The following TOGARAM2 variants were observed in gnomAD, a reference collection of about 807,000 sequenced individuals.
The protein encoded by TOGARAM2 is TOG array regulator of axonemal microtubules 2.
TOGARAM2 carries 85 observed loss-of-function variants against 93.3 expected under a neutral mutation model. The ratio of observed to expected loss-of-function variants is 0.91; its 90% confidence interval spans 0.76 to 1.09. The LOEUF is 1.09. TOGARAM2 is among the 50% of genes least tolerant of loss of function. The pLI, the probability that TOGARAM2 is intolerant of heterozygous loss-of-function variation, is 0.00. For missense variants in TOGARAM2, 1,277 were observed against 1,334.5 expected, an observed-to-expected ratio of 0.96 and a Z score of 0.67; for synonymous variants, 593 against 552.8, an observed-to-expected ratio of 1.07 and a Z score of -1.02.
upstream of TOGARAM2, among the ~76,000 whole-genome samples, chr2:28,976,367 T>C (rs1672036184): frequency 6.6e-6 from 1 of 152,082 alleles, no homozygotes; most frequent in Admixed American, 6.5e-5. Context: ...TGAGACTCCA[T>C]CTCAAAAACA....
intron 18 of TOGARAM2, among the ~76,000 whole-genome samples, chr2:29,039,107 G>GA (rs1666284262): frequency 6.6e-6 from 1 of 152,200 alleles, no homozygotes; most frequent in South Asian, 2.1e-4. Flanking sequence ...GGACGGAAGA[G>GA]AAGGGGTATG....
chr2:28,987,540 C>T (rs1220455416), intron 1 of TOGARAM2, among the ~76,000 whole-genome samples: 9 of 152,324 alleles, frequency 5.9e-5, no homozygotes, highest in African/African-American at 1.7e-4. Flanking sequence ...CCGCCCACCT[C>T]GGCCTCTCAA....
chr2:29,005,992 T>TGTGGACTGTGTGTGC (rs139827832), intron 6 of TOGARAM2, among the ~76,000 whole-genome samples: 1 of 145,044 alleles, frequency 6.9e-6, no homozygotes, highest in African/African-American at 2.6e-5. Flanking sequence ...AGTGCATGTG[T>TGTGGACTGTGTGTGC]AGGGTGTGTA....
intron 1 of TOGARAM2, among the ~76,000 whole-genome samples, chr2:28,973,765 G>A (rs1391370012): frequency 6.6e-6 from 1 of 151,980 alleles, no homozygotes; most frequent in Non-Finnish European, 1.5e-5. Context: ...TGGCCTCAAG[G>A]TATCATCCTG....
intron 14 of TOGARAM2, among the ~76,000 whole-genome samples, chr2:29,027,307 G>T (rs970127987): frequency 4.6e-5 from 7 of 152,004 alleles, no homozygotes; most frequent in Admixed American, 1.3e-4. Context: ...GAACATTCAG[G>T]CCTTTTTTTC....
At chr2:28,991,823 C>G (rs1215673731) in intron 1 of TOGARAM2, among the ~76,000 whole-genome samples, 1 of 152,204 alleles carries the variant, frequency 6.6e-6, no homozygotes, top group Non-Finnish European at 1.5e-5. Context: ...TTCCTATGGC[C>G]CCGGTCACTA....
chr2:29,049,690 G>C (rs893064315), intron 19 of TOGARAM2: 4 of 152,194 alleles, frequency 2.6e-5, no homozygotes, highest in African/African-American at 7.2e-5. Flanking sequence ...TCCAACCAGT[G>C]TACCTCTTTG....
intron 2 of TOGARAM2, 115 bp downstream of exon 2, chr2:28,994,977 T>C: frequency 7.7e-7 from 1 of 1,294,792 alleles, no homozygotes; most frequent in Non-Finnish European, 1.1e-6. Context: ...TGCTGGGAGA[T>C]AACAGCCAGG....
At chr2:28,985,380 G>C (rs372992409) in intron 1 of TOGARAM2, among the ~76,000 whole-genome samples, 2 of 148,924 alleles carry the variant, frequency 1.3e-5, no homozygotes, top group Admixed American at 1.3e-4. Context: ...TTTTGTTTTT[G>C]TTTTAAGTCG....
In TOGARAM2 at chr2:29,051,801, G is replaced by T. The variant is rs201289296; in HGVS notation, c.2768G>T (p.Arg923Leu). 2.1e-5 allele frequency: 32 copies of T among 1,555,032 alleles called. No individual in the cohort carries two copies. In the African/African-American group the frequency reaches 3.7e-4, roughly 18 times the overall value. ...VYPRKPQAVE[R>L]HVLPILWHFL... ...CCCCGGAAGCCTCAAGCTGTAGAGC[G>T]GCATGTCCTTCCCATCCTCTGGCAC... Residue 923 changes from arginine to leucine, a missense_variant, in exon 20 of 20, where the codon CGG becomes CTG. Transcript: ENST00000379558.
rs1456821476 is a variant in TOGARAM2, at chr2:28,994,779, C to A, written c.-56C>A. ...AGACCCCCAAGGACTGTACTCACTGCCCAGAAATAGCTGCTGCCTCTGGGC... is the reference window on the plus strand; with the variant it reads ...AGACCCCCAAGGACTGTACTCACTGACCAGAAATAGCTGCTGCCTCTGGGC... On this transcript the variant is annotated 5_prime_UTR_variant, in exon 2 of 20. An upstream open reading frame in the 5' UTR gains an earlier in-frame stop. Coordinates refer to ENST00000379558, the MANE Select transcript of TOGARAM2 (RefSeq NM_199280.4). 2.8e-5 allele frequency: 43 copies of A among 1,546,448 alleles called. No individual in the cohort carries two copies. The highest frequency in any genetic ancestry group is 4.1e-5 in the African/African-American group (3 of 72,924).
intron 1 of TOGARAM2, among the ~76,000 whole-genome samples, chr2:28,965,172 A>C (rs1294318040): frequency 1.3e-5 from 2 of 151,662 alleles, no homozygotes; most frequent in Non-Finnish European, 2.9e-5. Flanking sequence ...ACTTTTTAAT[A>C]TTTGCTGTTC....
chr2:28,959,384 G>T (rs1671769677), intron 1 of TOGARAM2, among the ~76,000 whole-genome samples: 1 of 152,172 alleles, frequency 6.6e-6, no homozygotes, highest in South Asian at 2.1e-4. Flanking sequence ...CAATGATAGT[G>T]GGGAAGAGGG....
intron 2 of TOGARAM2, among the ~76,000 whole-genome samples, chr2:28,997,718 G>A (rs1673063602): frequency 6.6e-6 from 1 of 152,216 alleles, no homozygotes; most frequent in Non-Finnish European, 1.5e-5. Context: ...AAGCCGTAGG[G>A]TAGGGGATTA....
chr2:29,036,251 C>T (rs1666098529), intron 17 of TOGARAM2, among the ~76,000 whole-genome samples: 2 of 152,172 alleles, frequency 1.3e-5, no homozygotes, highest in Non-Finnish European at 2.9e-5. Flanking sequence ...TGAAAATGTG[C>T]TCCATGGGTT....
chr2:28,963,694 G>T (rs1214171076), intron 1 of TOGARAM2, among the ~76,000 whole-genome samples: 1 of 152,150 alleles, frequency 6.6e-6, no homozygotes, highest in Non-Finnish European at 1.5e-5. Flanking sequence ...GCTGGTGAAG[G>T]TTTCTTATGT....
chr2:29,023,532 G>C (rs1026680672), intron 12 of TOGARAM2, among the ~76,000 whole-genome samples: 1 of 152,184 alleles, frequency 6.6e-6, no homozygotes, highest in Admixed American at 6.5e-5. Context: ...TTCCCAAAGC[G>C]TTTCTTTCAT....
At position 29,003,476 on chromosome 2, in the gene TOGARAM2, C is replaced by G; in HGVS notation, c.640-16C>G. 6.7e-7 allele frequency: 1 copy of G among 1,484,544 alleles called. No homozygotes were observed. Among genetic ancestry groups the G allele is most frequent in the Non-Finnish European group, 9.0e-7 (1 of 1,112,576 alleles). The allele number at this position is 1,484,544 out of a possible 1,614,324, so 92.0% of individuals were successfully genotyped here. A position where few individuals can be genotyped will look rare whatever the true frequency, so the allele number is the denominator to read the frequency against. ...TGTTGCCATAGGCCAGACCCCTGTCCCGCCTCTGCTCCCAGGCGCAGATCT... is the reference window on the plus strand; with the variant it reads ...TGTTGCCATAGGCCAGACCCCTGTCGCGCCTCTGCTCCCAGGCGCAGATCT... On this transcript the variant is annotated splice_polypyrimidine_tract_variant and intron_variant, in intron 5 of 19. Coordinates refer to ENST00000379558, the MANE Select transcript of TOGARAM2 (RefSeq NM_199280.4).
At chr2:29,000,699 C>T (rs1673240722) in intron 4 of TOGARAM2, among the ~76,000 whole-genome samples, 1 of 152,144 alleles carries the variant, frequency 6.6e-6, no homozygotes, top group Non-Finnish European at 1.5e-5. Context: ...TTCTTCCCCT[C>T]CCCTGTGCAG....
Sources: allele counts gnomAD v4.1 joint callset (sites outside exome capture counted in the v4.1 genomes callset), GRCh38; gene constraint gnomAD v4.1.1; transcripts MANE v1.5; gene names NCBI Gene and HGNC (gene_info 2026-07-23, HGNC 2026-07-21).